Variants in CRPPA observed in about 807,000 individuals in gnomAD.
CRPPA encodes D-ribitol-5-phosphate cytidylyltransferase.
A neutral mutation model predicts 52.0 loss-of-function variants in CRPPA; 43 were observed. That is an observed-to-expected ratio of 0.83 (90% CI 0.65 to 1.07). The LOEUF (loss-of-function observed/expected upper bound fraction) is 1.07, where lower values mean the gene tolerates loss of function less well. CRPPA is among the 50% of genes least tolerant of loss of function. The pLI is 0.00. For synonymous variants in CRPPA, 250 were observed against 203.5 expected (o/e 1.23, Z -1.94); for missense variants, 629 against 551.7 (o/e 1.14, Z -1.40).
In CRPPA at chr7:16,344,942, G is replaced by C. The variant is rs549519811; in HGVS notation, c.684+31150C>G. Among the ~76,000 whole-genome samples, 4 of 151,966 alleles carry C rather than the reference G, an allele frequency of 2.6e-5. No individual in the cohort carries two copies. The South Asian group carries it at 8.4e-4, about 32-fold the overall frequency. Reference sequence around the variant, plus strand: ...AGAGAAAGGAGCAGAAATAATTTTTGGTAGTAATAACTAAAAACTGCCCAA... The same window carrying C: ...AGAGAAAGGAGCAGAAATAATTTTTCGTAGTAATAACTAAAAACTGCCCAA... On this transcript the variant is annotated intron_variant, in intron 3 of 9. Coordinates refer to ENST00000407010, the MANE Select transcript of CRPPA (RefSeq NM_001101426.4).
chr7:16,213,620 G>A (rs1358153551), intron 9 of CRPPA, among the ~76,000 whole-genome samples: 6 of 151,780 alleles, frequency 4.0e-5, no homozygotes, highest in Non-Finnish European at 5.9e-5. Flanking sequence ...ATGGTGGCGG[G>A]CACCCATAAT....
At chr7:16,192,887 C>A (rs1331543031) in intron 9 of CRPPA, among the ~76,000 whole-genome samples, 1 of 152,070 alleles carries the variant, frequency 6.6e-6, no homozygotes, top group Non-Finnish European at 1.5e-5. Flanking sequence ...ATGTGTGGGT[C>A]TATTTCTAGA....
intron 3 of CRPPA, among the ~76,000 whole-genome samples, chr7:16,374,188 G>T (rs141342552): frequency 3.9e-5 from 6 of 152,110 alleles, no homozygotes; most frequent in Non-Finnish European, 5.9e-5. Context: ...CAATTCAATT[G>T]GTTGCCAGCA....
intron 6 of CRPPA, among the ~76,000 whole-genome samples, chr7:16,277,742 C>T (rs979832672): frequency 2.6e-5 from 4 of 152,132 alleles, no homozygotes; most frequent in Admixed American, 1.3e-4. Flanking sequence ...CACCTTTTGT[C>T]ATCATGTCTC....
chr7:16,140,156 A>C (rs1782840520), intron 9 of CRPPA, among the ~76,000 whole-genome samples: 1 of 152,120 alleles, frequency 6.6e-6, no homozygotes, highest in African/African-American at 2.4e-5. Context: ...TTAGTTAATT[A>C]TTCATTTAGA....
At chr7:16,289,360 C>T (rs1784514684) in intron 5 of CRPPA, among the ~76,000 whole-genome samples, 1 of 152,056 alleles carries the variant, frequency 6.6e-6, no homozygotes, top group African/African-American at 2.4e-5. Flanking sequence ...TTATTTGAGG[C>T]AAGCATCACC....
At chr7:16,249,016 G>C (rs1409248807) in intron 8 of CRPPA, among the ~76,000 whole-genome samples, 1 of 152,148 alleles carries the variant, frequency 6.6e-6, no homozygotes, top group Admixed American at 6.5e-5. Flanking sequence ...ATCGACCTGG[G>C]ATGCTTGAGT....
intron 3 of CRPPA, among the ~76,000 whole-genome samples, chr7:16,354,581 G>A (rs1786248261): frequency 6.6e-6 from 1 of 152,150 alleles, no homozygotes; most frequent in Non-Finnish European, 1.5e-5. Flanking sequence ...AGAAACTTGA[G>A]ATTACTTTAG....
intron 8 of CRPPA, among the ~76,000 whole-genome samples, chr7:16,235,436 G>A (rs1235595074): frequency 4.6e-5 from 7 of 152,016 alleles, no homozygotes; most frequent in Non-Finnish European, 4.4e-5. Flanking sequence ...ATTTCAGATT[G>A]AAAATCTATA....
rs183379625 is a variant in CRPPA, at chr7:16,216,488, G to A, written c.1120-291C>T. 2,772 of 264,594 alleles carry A rather than the reference G, an allele frequency of 0.01. 23 individuals are homozygous for A. The highest frequency in any genetic ancestry group is 0.015 in the Non-Finnish European group (2,083 of 136,926). 16.4% of individuals were successfully genotyped at this position (264,594 alleles called of 1,614,324 possible). ...CCGGTCTACAGCTCCCAGCGTGAGC[G>A]ACGCAGAAGACGGGTGATTTCTGCA... is the stretch of plus-strand genomic sequence containing the variant. On this transcript the variant is annotated intron_variant, in intron 8 of 9. Coordinates refer to ENST00000407010, the MANE Select transcript of CRPPA (RefSeq NM_001101426.4).
intron 9 of CRPPA, among the ~76,000 whole-genome samples, chr7:16,095,472 G>C (rs1304995066): frequency 6.6e-6 from 1 of 152,132 alleles, no homozygotes; most frequent in Non-Finnish European, 1.5e-5. Flanking sequence ...ATAGCAGTTA[G>C]AATTATTACC....
chr7:16,227,064 G>C (rs1197388747), intron 8 of CRPPA, among the ~76,000 whole-genome samples: 1 of 151,848 alleles, frequency 6.6e-6, no homozygotes, highest in Non-Finnish European at 1.5e-5. Flanking sequence ...TGTTGCAAAT[G>C]CCAGGATTTC....
intron 8 of CRPPA, among the ~76,000 whole-genome samples, chr7:16,232,240 T>C (rs1782819240): frequency 6.6e-6 from 1 of 152,128 alleles, no homozygotes; most frequent in African/African-American, 2.4e-5. Context: ...GGTTTAAATT[T>C]CCCTACCAAA....
At chr7:16,294,768 C>T (rs4721486) in intron 5 of CRPPA, among the ~76,000 whole-genome samples, 99,867 of 151,692 alleles carry the variant, frequency 0.66, 33,532 homozygotes, top group East Asian at 0.75. Context: ...ACATGACTAA[C>T]AACATAAATG....
intron 9 of CRPPA, among the ~76,000 whole-genome samples, chr7:16,206,706 A>T (rs376834889): frequency 1.3e-5 from 2 of 152,290 alleles, no homozygotes; most frequent in East Asian, 3.9e-4. Context: ...TTAGAATGAT[A>T]CAGTGATTAC....
At chr7:16,236,311 T>C (rs1009022068) in intron 8 of CRPPA, among the ~76,000 whole-genome samples, 2 of 152,140 alleles carry the variant, frequency 1.3e-5, no homozygotes, top group East Asian at 1.9e-4. Flanking sequence ...TTTTTCAGTA[T>C]TGACTCTGGG....
chr7:16,398,770 G>A lies in CRPPA; in HGVS notation c.534+7291C>T, dbSNP rs117178734. Among the ~76,000 whole-genome samples, 161 of 152,248 alleles carry A rather than the reference G, an allele frequency of 1.1e-3. 1 individual carries two copies. The East Asian group carries it at 0.027, about 26-fold the overall frequency. ...CTGACATGTGACAAACACGTGATAC[G>A]TGACTGACACTTGACTGACACGTGA... On this transcript the variant is annotated intron_variant, in intron 2 of 9. Transcript: ENST00000407010.
intron 8 of CRPPA, among the ~76,000 whole-genome samples, chr7:16,217,128 TGAC>T (rs1782349039): frequency 2.0e-5 from 3 of 148,078 alleles, no homozygotes; most frequent in Non-Finnish European, 3.0e-5. Context: ...AGTGGGTCCC[TGAC>T]CCCTGACCCC....
chr7:16,351,652 A>G (rs899487526), intron 3 of CRPPA, among the ~76,000 whole-genome samples: 1 of 152,316 alleles, frequency 6.6e-6, no homozygotes. Context: ...GCGGCCAAAC[A>G]TATGAAAAAA....
Sources: gnomAD v4.1 joint callset for allele counts (sites outside exome capture counted in the v4.1 genomes callset) on GRCh38, gnomAD v4.1.1 for gene constraint, MANE v1.5 for transcripts, NCBI Gene and HGNC (gene_info 2026-07-23, HGNC 2026-07-21) for gene names.